Variants in TRPM3 observed in about 807,000 individuals in gnomAD.
The protein encoded by TRPM3 is long transient receptor potential channel 3.
TRPM3 carries 77 observed loss-of-function variants against 181.2 expected under a neutral mutation model. The observed-to-expected ratio is 0.42, with a 90% CI of 0.35 to 0.51. The LOEUF (loss-of-function observed/expected upper bound fraction) is 0.51, where lower values mean the gene tolerates loss of function less well. Ranked by LOEUF, TRPM3 falls within the 20% of genes least tolerant of loss-of-function variation. The pLI, the probability that TRPM3 is intolerant of heterozygous loss-of-function variation, is 0.01. For synonymous variants in TRPM3, 745 were observed against 796.4 expected (o/e 0.94, Z 1.09); for missense variants, 1,759 against 2,196.7 (o/e 0.80, Z 3.98).
At chr9:70,743,901 G>C (rs765666469) in intron 8 of TRPM3, among the ~76,000 whole-genome samples, 15 of 151,980 alleles carry the variant, frequency 9.9e-5, no homozygotes, top group Admixed American at 4.6e-4. Context: ...CAGTAAAAGA[G>C]AGTAGTTATA....
intron 1 of TRPM3, among the ~76,000 whole-genome samples, chr9:70,996,108 G>A (rs1056385444): frequency 6.6e-6 from 1 of 152,150 alleles, no homozygotes; most frequent in Non-Finnish European, 1.5e-5. Flanking sequence ...GGTACTATGT[G>A]GTTGAAATAA....
chr9:71,204,498 CA>C (rs2079005897), intron 1 of TRPM3, among the ~76,000 whole-genome samples: 3 of 152,078 alleles, frequency 2.0e-5, no homozygotes, highest in Admixed American at 2.0e-4. Context: ...AAATGCAAAT[CA>C]AAACCACAAT....
chr9:71,376,451 T>G (rs1184921355), intron 1 of TRPM3, among the ~76,000 whole-genome samples: 3 of 152,104 alleles, frequency 2.0e-5, no homozygotes, highest in African/African-American at 7.2e-5. Flanking sequence ...CCTCAAGTAA[T>G]TTTTCAGGAG....
intron 1 of TRPM3, among the ~76,000 whole-genome samples, chr9:71,414,394 CATTG>C (rs2093607139): frequency 6.6e-6 from 1 of 152,034 alleles, no homozygotes; most frequent in African/African-American, 2.4e-5. Context: ...AGAGCTTATT[CATTG>C]ATTACCTTTT....
chr9:70,863,077 C>A lies in TRPM3; in HGVS notation c.293G>T (p.Gly98Val). 1 of 1,613,420 alleles carries A rather than the reference C, an allele frequency of 6.2e-7. No homozygotes were observed. Among genetic ancestry groups the A allele is most frequent in the Non-Finnish European group, 8.5e-7 (1 of 1,179,610 alleles). ...AAGCACGGAGATACTGGGGGTGAGG[C>A]CAACATGCTGGCCTATCAGACGCCC... ...CCGRLIGQHV[G>V]LTPSISVLQN... is the part of the protein sequence containing the mutation. The change falls in exon 3 of 26, where the codon GGC becomes GTC. Residue 98 changes from glycine to valine, a missense_variant. This residue lies in a region of TRPM3 where 737 missense variants were observed against 957.4 expected (regional missense o/e 0.77). Coordinates refer to ENST00000677713, the MANE Select transcript of TRPM3 (RefSeq NM_001366145.2).
At chr9:70,973,429 C>T (rs1179898474) in intron 1 of TRPM3, among the ~76,000 whole-genome samples, 1 of 152,158 alleles carries the variant, frequency 6.6e-6, no homozygotes, top group Non-Finnish European at 1.5e-5. Flanking sequence ...ATCTTATCAA[C>T]TATACCAATA....
At position 71,271,667 on chromosome 9, in the gene TRPM3, G is replaced by A. The variant is rs532959551; in HGVS notation, c.183+174986C>T. Among the ~76,000 whole-genome samples, 23 of 151,780 alleles carry A rather than the reference G, an allele frequency of 1.5e-4. No individual in the cohort carries two copies. In the South Asian group the frequency reaches 2.9e-3, roughly 19 times the overall value. ...CCCACCAAAGAGCCACAAAGGATTC[G>A]CTGGGCCTGGCTTAATTTGGGTAAT... On this transcript the variant is annotated intron_variant, in intron 1 of 24. Transcript: ENST00000357533.
intron 1 of TRPM3, among the ~76,000 whole-genome samples, chr9:70,957,025 A>G (rs2097083216): frequency 6.8e-6 from 1 of 146,412 alleles, no homozygotes; most frequent in Non-Finnish European, 1.5e-5. Context: ...CAGTGGCATG[A>G]TCTCGGCTCA....
intron 1 of TRPM3, among the ~76,000 whole-genome samples, chr9:70,902,295 T>C (rs1251470947): frequency 6.6e-6 from 1 of 152,234 alleles, no homozygotes; most frequent in Non-Finnish European, 1.5e-5. Context: ...TGCCCCTTTA[T>C]GTATTCACAC....
At chr9:71,371,531 C>A (rs1319066282) in intron 1 of TRPM3, among the ~76,000 whole-genome samples, 3 of 152,148 alleles carry the variant, frequency 2.0e-5, no homozygotes, top group African/African-American at 7.2e-5. Flanking sequence ...GATGATGTGA[C>A]TGAATTGCTG....
intron 5 of TRPM3, among the ~76,000 whole-genome samples, chr9:70,829,647 G>A (rs2093769818): frequency 6.6e-6 from 1 of 152,128 alleles, no homozygotes; most frequent in African/African-American, 2.4e-5. Context: ...ATTAATATAA[G>A]GTTAATTCAC....
At chr9:70,749,027 T>C (rs1043013256) in intron 8 of TRPM3, among the ~76,000 whole-genome samples, 2 of 146,500 alleles carry the variant, frequency 1.4e-5, no homozygotes, top group African/African-American at 2.7e-5. Flanking sequence ...ACACAACCAG[T>C]TCATTTCTGT....
intron 1 of TRPM3, among the ~76,000 whole-genome samples, chr9:71,299,778 T>G (rs957773429): frequency 4.6e-5 from 7 of 152,120 alleles, no homozygotes; most frequent in Non-Finnish European, 8.8e-5. Flanking sequence ...AATGGCCTTG[T>G]GCACATTTAT....
chr9:70,873,710 C>T (rs2095828334), intron 1 of TRPM3, among the ~76,000 whole-genome samples: 1 of 151,960 alleles, frequency 6.6e-6, no homozygotes, highest in Admixed American at 6.6e-5. Flanking sequence ...CATTGTTCCT[C>T]TTCCCTATTT....
intron 1 of TRPM3, among the ~76,000 whole-genome samples, chr9:71,192,162 A>G (rs575798280): frequency 6.6e-6 from 1 of 151,978 alleles, no homozygotes; most frequent in African/African-American, 2.4e-5. Flanking sequence ...TCATTGTGAT[A>G]CTCACCTTTA....
At chr9:70,846,725 G>T (rs984321885) in intron 3 of TRPM3, 134 bp from the exon 4 acceptor site, 7 of 661,410 alleles carry the variant, frequency 1.1e-5, no homozygotes, top group East Asian at 2.7e-5. Context: ...TTTAAAAGGG[G>T]TGATCATTTG....
At chr9:70,674,108 ACTGT>A (rs2063518420) in intron 9 of TRPM3, among the ~76,000 whole-genome samples, 1 of 152,190 alleles carries the variant, frequency 6.6e-6, no homozygotes, top group Non-Finnish European at 1.5e-5. Flanking sequence ...GGTATATTAA[ACTGT>A]CTGCCCACAG....
intron 1 of TRPM3, among the ~76,000 whole-genome samples, chr9:71,423,006 G>T (rs1474019436): frequency 1.3e-5 from 2 of 152,044 alleles, no homozygotes; most frequent in Non-Finnish European, 2.9e-5. Context: ...TCTCAGCCCA[G>T]TAAACTGACA....
Position 70,859,984 on chromosome 9 carries a change from G to A in TRPM3, c.462+2924C>T, listed in dbSNP as rs183489101. Among the ~76,000 whole-genome samples the A allele has an allele frequency of 1.8e-3, 272 of 152,250 alleles. 2 individuals are homozygous for A. The highest frequency in any genetic ancestry group is 3.3e-3 in the Non-Finnish European group (225 of 68,004). Reference sequence around the variant, plus strand: ...GTGCCTGTCACCAATGCCATTCACTGGAACAGAGTTGATTGTGGACTTATG... The same window carrying A: ...GTGCCTGTCACCAATGCCATTCACTAGAACAGAGTTGATTGTGGACTTATG... On this transcript the variant is annotated intron_variant, in intron 3 of 25. Transcript: ENST00000677713.
Sources: allele counts gnomAD v4.1 joint callset (sites outside exome capture counted in the v4.1 genomes callset), GRCh38; gene constraint gnomAD v4.1.1; regional missense constraint gnomAD v4.1.1; transcripts MANE v1.5; gene names NCBI Gene and HGNC (gene_info 2026-07-23, HGNC 2026-07-21).